TAF2: variants seen among roughly 807,000 people sequenced by gnomAD.
TAF2 encodes the protein transcription initiation factor TFIID subunit 2.
In TAF2, 61 loss-of-function variants were observed where a neutral mutation model predicts 138.5. The observed-to-expected ratio is 0.44, with a 90% CI of 0.36 to 0.54. The LOEUF (loss-of-function observed/expected upper bound fraction) is 0.54. Among genes scored for constraint, TAF2 ranks in the 20% least tolerant of loss-of-function variants. The pLI, the probability that TAF2 is intolerant of heterozygous loss-of-function variation, is 0.00. For missense variants in TAF2, 1,090 were observed against 1,427.9 expected (o/e 0.76, Z 3.81); for synonymous variants, 475 against 469.9 (o/e 1.01, Z -0.14).
rs1818839056 is a variant in TAF2 at position 119,730,798 on chromosome 8, A to G, written c.*1126T>C. 1 of 152,258 alleles carries G rather than the reference A, an allele frequency of 6.6e-6. No homozygotes were observed. The highest frequency in any genetic ancestry group is 2.1e-4 in the South Asian group (1 of 4,836). The allele number at this position is 152,258 out of a possible 1,614,324, so 9.4% of individuals were successfully genotyped here. ...ATCAACTTAAAAAGTTATTTATTAAACAAGTTAAACACAACTAAAAGTATA... is the reference window on the plus strand; with the variant it reads ...ATCAACTTAAAAAGTTATTTATTAAGCAAGTTAAACACAACTAAAAGTATA... On this transcript the variant is annotated 3_prime_UTR_variant, in exon 26 of 26. Coordinates refer to ENST00000378164, the MANE Select transcript of TAF2 (RefSeq NM_003184.4).
chr8:119,751,650 A>C (rs1210910990), intron 22 of TAF2, among the ~76,000 whole-genome samples: 1 of 152,196 alleles, frequency 6.6e-6, no homozygotes, highest in Non-Finnish European at 1.5e-5. Context: ...TAGTTAATAC[A>C]CAGAAAACAT....
intron 18 of TAF2, among the ~76,000 whole-genome samples, chr8:119,776,507 C>T (rs1479724379): frequency 3.3e-5 from 5 of 149,258 alleles, no homozygotes; most frequent in Non-Finnish European, 7.4e-5. Context: ...ACAGTGAAAC[C>T]CCGTCTCTAC....
chr8:119,823,831 G>A (rs1406695627), intron 2 of TAF2, among the ~76,000 whole-genome samples: 2 of 152,158 alleles, frequency 1.3e-5, no homozygotes, highest in Non-Finnish European at 2.9e-5. Flanking sequence ...TGACCAAAAT[G>A]TTGATAGTGA....
At chr8:119,805,456 A>G (rs570016143) in intron 4 of TAF2, among the ~76,000 whole-genome samples, 1 of 152,314 alleles carries the variant, frequency 6.6e-6, no homozygotes, top group South Asian at 2.1e-4. Context: ...CTGTAATCCC[A>G]GCACTTTGGG....
At chr8:119,799,205 C>T (rs765638885) in intron 6 of TAF2, among the ~76,000 whole-genome samples, 1 of 152,026 alleles carries the variant, frequency 6.6e-6, no homozygotes, top group Non-Finnish European at 1.5e-5. Flanking sequence ...TACATGCGTA[C>T]AATGTGCAGG....
intron 19 of TAF2, among the ~76,000 whole-genome samples, chr8:119,762,032 C>G (rs1821099082): frequency 6.6e-6 from 1 of 151,896 alleles, no homozygotes; most frequent in Non-Finnish European, 1.5e-5. Flanking sequence ...CCATATAAAG[C>G]TGGTAAAAGT....
intron 17 of TAF2, among the ~76,000 whole-genome samples, chr8:119,780,142 C>G (rs1362752027): frequency 1.4e-4 from 3 of 21,628 alleles, no homozygotes; most frequent in Non-Finnish European, 2.1e-4. Context: ...AATCTGATCT[C>G]TGCCTTCATT....
chr8:119,789,836 T>C, intron 11 of TAF2, 90 bp from the exon 12 acceptor site: 1 of 1,265,448 alleles, frequency 7.9e-7, no homozygotes, highest in African/African-American at 1.5e-5. Flanking sequence ...TTTATTGTAG[T>C]CAATTATAGA....
chr8:119,812,747 GTGTGTATATA>G (rs1480753344), intron 3 of TAF2, among the ~76,000 whole-genome samples: 3 of 99,868 alleles, frequency 3.0e-5, no homozygotes, highest in Non-Finnish European at 5.9e-5. Flanking sequence ...GTGTGTGTGT[GTGTGTATATA>G]TGTGTGTATA....
At chr8:119,740,669 AAAAAAAAAAAG>A (rs1373157554) in intron 25 of TAF2, among the ~76,000 whole-genome samples, 1 of 97,522 alleles carries the variant, frequency 1.0e-5, no homozygotes, top group East Asian at 2.2e-4. Context: ...TCTCAAAAAA[AAAAAAAAAAAG>A]AAAAGAAAAG....
chr8:119,752,464 A>AGC (rs1482267836), intron 22 of TAF2, among the ~76,000 whole-genome samples: 1 of 152,104 alleles, frequency 6.6e-6, no homozygotes, highest in African/African-American at 2.4e-5. Context: ...CCTCTGGGAT[A>AGC]TGGTCACTAA....
intron 25 of TAF2, among the ~76,000 whole-genome samples, chr8:119,737,630 T>A (rs1427656706): frequency 6.6e-6 from 1 of 151,384 alleles, no homozygotes; most frequent in African/African-American, 2.4e-5. Context: ...TGCCTCAGCC[T>A]CCCGAGTAGC....
chr8:119,824,853 T>C (rs527880628), intron 2 of TAF2, among the ~76,000 whole-genome samples: 7 of 152,240 alleles, frequency 4.6e-5, no homozygotes, highest in African/African-American at 1.7e-4. Flanking sequence ...TCAGAAGATG[T>C]ATGGAAATGC....
At chr8:119,773,312 G>A (rs1363639455) in intron 18 of TAF2, among the ~76,000 whole-genome samples, 1 of 151,314 alleles carries the variant, frequency 6.6e-6, no homozygotes, top group African/African-American at 2.4e-5. Context: ...TAAGAGCTCA[G>A]TTTGCTGATA....
At chr8:119,813,953 T>TA (rs1328497168) in intron 3 of TAF2, among the ~76,000 whole-genome samples, 1 of 151,882 alleles carries the variant, frequency 6.6e-6, no homozygotes, top group Non-Finnish European at 1.5e-5. Flanking sequence ...ATGCATCCAG[T>TA]AAAAAATAAA....
intron 25 of TAF2, among the ~76,000 whole-genome samples, chr8:119,733,388 A>G (rs1460546574): frequency 6.6e-6 from 1 of 152,168 alleles, no homozygotes. Context: ...GTGTCAGTAC[A>G]AAGAAAGAAA....
At position 119,783,039 on chromosome 8, in the gene TAF2, T is replaced by C. The variant is rs1486276993; in HGVS notation, c.2112+342A>G. Among the ~76,000 whole-genome samples the C allele has an allele frequency of 3.9e-5, 6 of 152,044 alleles. No individual in the cohort carries two copies. In the East Asian group the frequency reaches 9.7e-4, roughly 24 times the overall value. ...CACACACACACACACAGAGATTTCA[T>C]GTACTACAATGTAAAACATCACTCA... On this transcript the variant is annotated intron_variant, in intron 16 of 25. Transcript: ENST00000378164.
chr8:119,793,274 TGA>T, intron 10 of TAF2, 90 bp downstream of exon 10: 1 of 1,083,154 alleles, frequency 9.2e-7, no homozygotes, highest in East Asian at 2.5e-5. Flanking sequence ...AAATAAATTC[TGA>T]GGTACAATGA....
intron 18 of TAF2, among the ~76,000 whole-genome samples, chr8:119,765,890 G>T (rs1451578338): frequency 6.6e-6 from 1 of 152,074 alleles, no homozygotes; most frequent in Non-Finnish European, 1.5e-5. Flanking sequence ...TTACTAACAC[G>T]CTTTTTCTTA....
Sources: allele counts gnomAD v4.1 joint callset (sites outside exome capture counted in the v4.1 genomes callset), GRCh38; gene constraint gnomAD v4.1.1; transcripts MANE v1.5; gene names NCBI Gene and HGNC (gene_info 2026-07-23, HGNC 2026-07-21).